KLHL20: variants seen among roughly 807,000 people sequenced by gnomAD.
The protein encoded by KLHL20 is kelch-like protein 20.
In KLHL20, 29 loss-of-function variants were observed where a neutral mutation model predicts 69.5. The observed-to-expected ratio is 0.42, with a 90% CI of 0.31 to 0.57. KLHL20 has a LOEUF of 0.57. Ranked by LOEUF, KLHL20 falls within the 20% of genes least tolerant of loss-of-function variation. The probability of loss-of-function intolerance (pLI) is 0.18; values close to 1 mark genes in which losing one functional copy is unlikely to be tolerated. For missense variants in KLHL20, 419 were observed against 776.0 expected (o/e 0.54, Z 5.47); for synonymous variants, 253 against 265.2 (o/e 0.95, Z 0.45).
At chr1:173,725,899 G>T (rs1046489335) in intron 2 of KLHL20, among the ~76,000 whole-genome samples, 4 of 152,212 alleles carry the variant, frequency 2.6e-5, no homozygotes, top group Admixed American at 1.3e-4. Context: ...GACAGTAGGT[G>T]CAGGACAGTG....
chr1:173,716,433 A>G (rs915675410), intron 2 of KLHL20, among the ~76,000 whole-genome samples: 2 of 152,192 alleles, frequency 1.3e-5, no homozygotes, highest in African/African-American at 4.8e-5. Context: ...TATTTATAAT[A>G]TACTGTACTG....
At chr1:173,722,347 C>T (rs1340791720) in intron 2 of KLHL20, among the ~76,000 whole-genome samples, 1 of 152,090 alleles carries the variant, frequency 6.6e-6, no homozygotes, top group Non-Finnish European at 1.5e-5. Flanking sequence ...TGGCTGGGGG[C>T]ACAGTGGCCT....
At chr1:173,767,640 T>C (rs1647815274) in intron 8 of KLHL20, among the ~76,000 whole-genome samples, 1 of 152,208 alleles carries the variant, frequency 6.6e-6, no homozygotes, top group Admixed American at 6.5e-5. Context: ...TGATGATAAG[T>C]GATATTGAGC....
chr1:173,781,202 A>G (rs1452773049), intron 10 of KLHL20, among the ~76,000 whole-genome samples: 2 of 152,236 alleles, frequency 1.3e-5, no homozygotes, highest in Admixed American at 6.5e-5. Flanking sequence ...AAGGGAAACT[A>G]TAAGAGGTGA....
chr1:173,784,791 G>A (rs1212210343), intron 11 of KLHL20, among the ~76,000 whole-genome samples: 4 of 152,118 alleles, frequency 2.6e-5, no homozygotes, highest in Non-Finnish European at 5.9e-5. Flanking sequence ...AACATAGGTG[G>A]GACAATAATA....
At chr1:173,728,354 G>T (rs1317766449) in intron 2 of KLHL20, among the ~76,000 whole-genome samples, 1 of 152,094 alleles carries the variant, frequency 6.6e-6, no homozygotes, top group Non-Finnish European at 1.5e-5. Context: ...AGTTAACAAG[G>T]ATATCCAGGA....
intron 8 of KLHL20, among the ~76,000 whole-genome samples, chr1:173,767,542 C>T (rs1266053307): frequency 6.6e-6 from 1 of 152,054 alleles, no homozygotes; most frequent in African/African-American, 2.4e-5. Context: ...ATATTCTTGC[C>T]AACATTTGTT....
intron 7 of KLHL20, among the ~76,000 whole-genome samples, chr1:173,761,764 C>G (rs967910576): frequency 8.5e-5 from 13 of 152,246 alleles, no homozygotes; most frequent in African/African-American, 2.9e-4. Flanking sequence ...GTTCATAGCC[C>G]TAAATGCCTA....
intron 2 of KLHL20, among the ~76,000 whole-genome samples, chr1:173,717,308 T>G (rs1336120440): frequency 6.6e-6 from 1 of 152,236 alleles, no homozygotes; most frequent in Non-Finnish European, 1.5e-5. Flanking sequence ...AATATTTGCT[T>G]AATCACTCAT....
intron 3 of KLHL20, among the ~76,000 whole-genome samples, chr1:173,744,703 A>T (rs1672976409): frequency 1.3e-5 from 2 of 152,174 alleles, no homozygotes; most frequent in Non-Finnish European, 2.9e-5. Flanking sequence ...TTTATTTAAA[A>T]GCCTTTCTTT....
At chr1:173,720,266 A>G (rs1207285045) in intron 2 of KLHL20, among the ~76,000 whole-genome samples, 1 of 152,174 alleles carries the variant, frequency 6.6e-6, no homozygotes, top group African/African-American at 2.4e-5. Flanking sequence ...TAGGAAGAAT[A>G]AGAATTTACT....
intron 10 of KLHL20, among the ~76,000 whole-genome samples, chr1:173,777,485 TTCTAGA>T (rs1336237679): frequency 6.6e-6 from 1 of 152,224 alleles, no homozygotes; most frequent in Non-Finnish European, 1.5e-5. Flanking sequence ...CCCTGTCTTG[TTCTAGA>T]TCTTAGAGGA....
intron 5 of KLHL20, among the ~76,000 whole-genome samples, chr1:173,754,231 C>G (rs1673435514): frequency 6.6e-6 from 1 of 152,006 alleles, no homozygotes; most frequent in African/African-American, 2.4e-5. Context: ...TTATATTAAT[C>G]ATTCTTCATT....
chr1:173,758,406 C>G (rs543246259), intron 7 of KLHL20, among the ~76,000 whole-genome samples: 1 of 152,088 alleles, frequency 6.6e-6, no homozygotes, highest in Non-Finnish European at 1.5e-5. Flanking sequence ...AGCTCCAGAC[C>G]GGGCAACATG....
chr1:173,741,999 CTT>C (rs1186092348), intron 3 of KLHL20: 4 of 572,340 alleles, frequency 7.0e-6, no homozygotes, highest in African/African-American at 3.8e-5. Flanking sequence ...AAAATTGTAA[CTT>C]GTATCATAGA....
chr1:173,720,789 T>G (rs1296954632), intron 2 of KLHL20, among the ~76,000 whole-genome samples: 1 of 152,120 alleles, frequency 6.6e-6, no homozygotes, highest in Non-Finnish European at 1.5e-5. Context: ...GGAAACCAGA[T>G]GCCGCCATGA....
In KLHL20 at chr1:173,734,500, CTG is replaced by C. The variant is rs1451333409; in HGVS notation, c.597+216_597+217del. The C allele has an allele frequency of 1.4e-4, 80 of 563,452 alleles. No homozygotes were observed. The East Asian group carries it at 2.4e-3, about 17-fold the overall frequency. The allele number at this position is 563,452 out of a possible 1,614,324, so 34.9% of individuals were successfully genotyped here. On this transcript the variant is annotated intron_variant, in intron 3 of 11. Transcript: ENST00000209884. Reference sequence around the variant, plus strand: ...AGATTTAGGGATTTATTCTCCCTAACTGTATTCATAAAAGTATTTAAAAAAAA... The same window carrying C: ...AGATTTAGGGATTTATTCTCCCTAACTATTCATAAAAGTATTTAAAAAAAA...
chr1:173,729,402 T>G (rs1220483875), intron 2 of KLHL20, among the ~76,000 whole-genome samples: 1 of 152,080 alleles, frequency 6.6e-6, no homozygotes, highest in African/African-American at 2.4e-5. Flanking sequence ...ATACCAAAGC[T>G]TGGCAGAGAC....
intron 2 of KLHL20, among the ~76,000 whole-genome samples, chr1:173,733,079 A>G (rs1324101960): frequency 7.3e-6 from 1 of 136,892 alleles, no homozygotes; most frequent in Non-Finnish European, 1.5e-5. Context: ...GAGTGCAGTG[A>G]TGCAATCTCG....
Sources: gnomAD v4.1 joint callset for allele counts (sites outside exome capture counted in the v4.1 genomes callset) on GRCh38, gnomAD v4.1.1 for gene constraint, MANE v1.5 for transcripts, NCBI Gene and HGNC (gene_info 2026-07-23, HGNC 2026-07-21) for gene names.